Variants in KIF17 observed in about 807,000 individuals in gnomAD.
KIF17 encodes kinesin family member 17.
In KIF17, 80 loss-of-function variants were observed where a neutral mutation model predicts 96.8. That is an observed-to-expected ratio of 0.83 (90% CI 0.69 to 1.00). KIF17 has a LOEUF of 1.00. Among genes scored for constraint, KIF17 ranks in the 50% least tolerant of loss-of-function variants. The probability of loss-of-function intolerance (pLI) is 0.00; values close to 1 mark genes in which losing one functional copy is unlikely to be tolerated. For missense variants in KIF17, 1,280 were observed against 1,372.9 expected, an observed-to-expected ratio of 0.93 and a Z score of 1.07; for synonymous variants, 567 against 587.5, an observed-to-expected ratio of 0.97 and a Z score of 0.51.
At chr1:20,707,992 C>T (rs2054373934) in intron 4 of KIF17, among the ~76,000 whole-genome samples, 1 of 151,638 alleles carries the variant, frequency 6.6e-6, no homozygotes, top group African/African-American at 2.4e-5. Flanking sequence ...CCCTACCATT[C>T]CCTACTTTAC....
rs72980803 is a variant in KIF17, at chr1:20,685,404, C to A, written c.2020-384G>T. 2.5e-6 allele frequency: 1 copy of A among 402,118 alleles called. No homozygotes were observed. Among genetic ancestry groups the A allele is most frequent in the Non-Finnish European group, 4.8e-6 (1 of 207,848 alleles). The allele number at this position is 402,118 out of a possible 1,614,324, so 24.9% of individuals were successfully genotyped here. On this transcript the variant is annotated intron_variant, in intron 9 of 14. Transcript: ENST00000400463. This position sits in a 1 kb window ranked among gnomAD's most constrained non-coding sequence, Gnocchi z 4.1. ...GGCTCCCTGCCTCCACGGCCTCCCC[C>A]GCCACCGTGGCCTCCTTTTCCATTG...
chr1:20,695,730 T>G (rs937163529), intron 6 of KIF17, among the ~76,000 whole-genome samples: 5 of 152,142 alleles, frequency 3.3e-5, no homozygotes, highest in African/African-American at 1.2e-4. Flanking sequence ...TCCAGGACCT[T>G]GTGCTTGCAA....
At chr1:20,667,050 G>A (rs1445295503) in intron 13 of KIF17, among the ~76,000 whole-genome samples, 3 of 152,178 alleles carry the variant, frequency 2.0e-5, no homozygotes, top group Admixed American at 1.3e-4. Flanking sequence ...CCAAGCTCTA[G>A]TTTCAGGATG....
rs2053919044 is a variant in KIF17, at chr1:20,685,355, G to A, written c.2020-335C>T. ...CATGTGACTTCCCGTCACGTTCGCA[G>A]GAAAGTCCACTTTCCTCCCTGCCGG... is the stretch of plus-strand genomic sequence containing the variant. On this transcript the variant is annotated intron_variant, in intron 9 of 14. Transcript: ENST00000400463. This position sits in a 1 kb window ranked among gnomAD's most constrained non-coding sequence, Gnocchi z 4.1. 1 of 473,070 alleles carries A rather than the reference G, an allele frequency of 2.1e-6. No homozygotes were observed. Among genetic ancestry groups the A allele is most frequent in the East Asian group, 4.8e-5 (1 of 20,636 alleles). 29.3% of individuals were successfully genotyped at this position (473,070 alleles called of 1,614,324 possible). A position where few individuals can be genotyped will look rare whatever the true frequency, so the allele number is the denominator to read the frequency against.
intron 4 of KIF17, among the ~76,000 whole-genome samples, chr1:20,705,262 C>T (rs767429685): frequency 7.9e-5 from 12 of 152,182 alleles, no homozygotes; most frequent in Non-Finnish European, 1.5e-4. Context: ...TAGAGAAGGG[C>T]AGGGGTGTGG....
chr1:20,706,540 G>A (rs573183654), intron 4 of KIF17, among the ~76,000 whole-genome samples: 73 of 152,014 alleles, frequency 4.8e-4, no homozygotes, highest in Non-Finnish European at 8.5e-4. Flanking sequence ...GCAGTGAGCC[G>A]AGATTGCAAC....
chr1:20,679,427 C>T (rs1265789951), intron 11 of KIF17, among the ~76,000 whole-genome samples: 1 of 152,152 alleles, frequency 6.6e-6, no homozygotes, highest in Non-Finnish European at 1.5e-5. Flanking sequence ...CTGCAGTGAG[C>T]TATGATTGTG....
intron 14 of KIF17, 39 bp from the exon 15 acceptor site, chr1:20,664,801 C>A (rs759828205): frequency 1.9e-6 from 3 of 1,589,564 alleles, no homozygotes; most frequent in Non-Finnish European, 2.6e-6. Flanking sequence ...AAGCCAGGAG[C>A]GCAGGGATGG....
chr1:20,685,103 C>G lies in KIF17; in HGVS notation c.2020-83G>C, dbSNP rs747504880. The G allele has an allele frequency of 4.5e-6, 5 of 1,103,662 alleles. No homozygotes were observed. Among genetic ancestry groups the G allele is most frequent in the Admixed American group, 2.0e-5 (1 of 50,454 alleles). 68.4% of individuals were successfully genotyped at this position (1,103,662 alleles called of 1,614,324 possible). On this transcript the variant is annotated intron_variant, in intron 9 of 14. Transcript: ENST00000400463. The surrounding 1 kb of genome is among the most constrained non-coding windows in gnomAD (Gnocchi z 4.1). Reference sequence around the variant, plus strand: ...AGCTCCCAGGTGGCTCAATCCCAGACGGGGCCATTCCGCCTGCTGCAGCCC... The same window carrying G: ...AGCTCCCAGGTGGCTCAATCCCAGAGGGGGCCATTCCGCCTGCTGCAGCCC...
Position 20,664,477 on chromosome 1 carries a change from C to T in KIF17, c.*107G>A, listed in dbSNP as rs2053489021. 6.2e-7 allele frequency: 1 copy of T among 1,601,938 alleles called. No homozygotes were observed. The highest frequency in any genetic ancestry group is 1.3e-5 in the African/African-American group (1 of 74,760). On this transcript the variant is annotated 3_prime_UTR_variant, in exon 15 of 15. Coordinates refer to ENST00000400463, the MANE Select transcript of KIF17 (RefSeq NM_001122819.3). ...TCCCAGGGCTGAGGGAGCCCTCAGG[C>T]CCCGGAGCGCTGTGTGGCAGGTGGG...
intron 3 of KIF17, among the ~76,000 whole-genome samples, chr1:20,712,751 A>ATAG (rs2054482002): frequency 7.8e-5 from 2 of 25,762 alleles, no homozygotes; most frequent in African/African-American, 1.1e-4. Flanking sequence ...ATATATATAA[A>ATAG]ATTATATTAT....
chr1:20,684,377 G>A (rs569279710), intron 10 of KIF17, among the ~76,000 whole-genome samples: 18 of 152,342 alleles, frequency 1.2e-4, no homozygotes, highest in East Asian at 1.2e-3. Context: ...AGTGAGAACC[G>A]AGGCTCAGAA....
In KIF17 at chr1:20,690,189, T is replaced by C. The variant is rs1046878087; in HGVS notation, c.1380A>G (p.Thr460=). ...STLEENLRKE[T]EAVLQVGVLY... Reference sequence around the variant, plus strand: ...CCTCGGGGGGCAAGGGGTGCCCACCTGTCTCCTTCCGCAGGTTCTCCTCCA... The same window carrying C: ...CCTCGGGGGGCAAGGGGTGCCCACCCGTCTCCTTCCGCAGGTTCTCCTCCA... Residue 460 remains threonine (T), a splice_region_variant and synonymous_variant, in exon 7 of 15, where the codon ACA becomes ACG. Coordinates refer to ENST00000400463, the MANE Select transcript of KIF17 (RefSeq NM_001122819.3). The C allele has an allele frequency of 1.9e-6, 3 of 1,614,030 alleles. No individual in the cohort carries two copies. Among genetic ancestry groups the C allele is most frequent in the African/African-American group, 2.7e-5 (2 of 74,948 alleles).
At position 20,690,953 on chromosome 1, in the gene KIF17, C is replaced by G. The variant is rs1404441044; in HGVS notation, c.1234-618G>C. 3.9e-5 allele frequency among the ~76,000 whole-genome samples: 6 copies of G among 152,052 alleles called. No individual in the cohort carries two copies. The South Asian group carries it at 1.0e-3, about 26-fold the overall frequency. On this transcript the variant is annotated intron_variant, in intron 6 of 14. Coordinates refer to ENST00000400463, the MANE Select transcript of KIF17 (RefSeq NM_001122819.3). ...CCACCCGCCTTGGCCTCCCAAAGTG[C>G]TGGGATTACAGGCGTGAGACACCAC... is the stretch of plus-strand genomic sequence containing the variant.
intron 6 of KIF17, among the ~76,000 whole-genome samples, chr1:20,695,223 T>G (rs2054115199): frequency 6.6e-6 from 1 of 152,214 alleles, no homozygotes; most frequent in African/African-American, 2.4e-5. Flanking sequence ...AGTCTCACTC[T>G]GTCGCCCAGG....
At chr1:20,666,385 A>G (rs1316433458) in intron 13 of KIF17, 54 bp from the exon 14 acceptor site, 1 of 1,390,238 alleles carries the variant, frequency 7.2e-7, no homozygotes, top group East Asian at 2.3e-5. Flanking sequence ...CCCCTGGCAC[A>G]GGGCTCCACA....
At chr1:20,707,501 G>T (rs550000286) in intron 4 of KIF17, among the ~76,000 whole-genome samples, 1 of 152,120 alleles carries the variant, frequency 6.6e-6, no homozygotes, top group Non-Finnish European at 1.5e-5. Flanking sequence ...TGGGCTGGGC[G>T]CAGTGGCTCA....
intron 6 of KIF17, among the ~76,000 whole-genome samples, chr1:20,692,204 C>T (rs541998547): frequency 1.3e-5 from 2 of 152,332 alleles, no homozygotes; most frequent in South Asian, 2.1e-4. Flanking sequence ...TCCTCCCTGC[C>T]CCAAGGCCTT....
At chr1:20,680,046 A>C (rs1463309234) in intron 11 of KIF17, among the ~76,000 whole-genome samples, 1 of 152,162 alleles carries the variant, frequency 6.6e-6, no homozygotes, top group Non-Finnish European at 1.5e-5. Context: ...GTGCAATGTC[A>C]CGATCTCCGC....
Sources: allele counts gnomAD v4.1 joint callset (sites outside exome capture counted in the v4.1 genomes callset), GRCh38; gene constraint gnomAD v4.1.1; non-coding constraint Gnocchi (gnomAD v3.1); transcripts MANE v1.5; gene names NCBI Gene and HGNC (gene_info 2026-07-23, HGNC 2026-07-21).